PRKCB: variants seen among roughly 807,000 people sequenced by gnomAD.
PRKCB encodes the protein protein kinase C beta type.
Under a neutral mutation model 81.5 loss-of-function variants are expected in PRKCB, and 13 were observed. The ratio of observed to expected loss-of-function variants is 0.16; its 90% CI spans 0.10 to 0.25. PRKCB has a LOEUF of 0.25. PRKCB is among the 10% of genes least tolerant of loss of function. PRKCB has a pLI of 1.00. For synonymous variants in PRKCB, 335 were observed against 321.4 expected, an observed-to-expected ratio of 1.04 and a Z score of -0.45; for missense variants, 509 against 875.7, an observed-to-expected ratio of 0.58 and a Z score of 5.29.
At chr16:23,949,130 C>T (rs530639535) in intron 2 of PRKCB, among the ~76,000 whole-genome samples, 2 of 152,356 alleles carry the variant, frequency 1.3e-5, no homozygotes, top group East Asian at 1.9e-4. Flanking sequence ...AGAATGTTTA[C>T]ACTCTTCCGG....
At chr16:24,023,090 A>G (rs1965427513) in intron 3 of PRKCB, among the ~76,000 whole-genome samples, 2 of 151,758 alleles carry the variant, frequency 1.3e-5, no homozygotes. Flanking sequence ...TTTTTGAGTC[A>G]GAGTTTCTCT....
chr16:23,950,140 T>TG (rs1964259230), intron 2 of PRKCB, among the ~76,000 whole-genome samples: 4 of 143,416 alleles, frequency 2.8e-5, no homozygotes, highest in Admixed American at 6.9e-5. Flanking sequence ...GAATTTTTTT[T>TG]TTTTTTTTTT....
At chr16:23,854,689 C>T (rs912824814) in intron 2 of PRKCB, among the ~76,000 whole-genome samples, 1 of 152,104 alleles carries the variant, frequency 6.6e-6, no homozygotes, top group African/African-American at 2.4e-5. Context: ...AATCACAAGC[C>T]CACCCCAGAA....
intron 2 of PRKCB, among the ~76,000 whole-genome samples, chr16:23,926,794 A>G (rs1472740803): frequency 2.6e-5 from 4 of 152,008 alleles, no homozygotes; most frequent in Non-Finnish European, 4.4e-5. Flanking sequence ...CATCTTTTAT[A>G]TAATAATTTC....
intron 2 of PRKCB, among the ~76,000 whole-genome samples, chr16:23,865,241 ATCAAGATTTATTT>A (rs1323036087): frequency 6.7e-6 from 1 of 149,262 alleles, no homozygotes; most frequent in Non-Finnish European, 1.5e-5. Flanking sequence ...AGAAATAGAA[ATCAAGATTTATTT>A]TCTGTTTTGT....
chr16:24,113,329 T>G (rs751324089), intron 8 of PRKCB, among the ~76,000 whole-genome samples: 3 of 133,256 alleles, frequency 2.3e-5, no homozygotes, highest in Non-Finnish European at 4.5e-5. Context: ...TTGCTTTCTT[T>G]CTTGCTTGCT....
chr16:24,212,536 G>A lies in PRKCB; in HGVS notation c.1864-2122G>A, dbSNP rs904395315. Among the ~76,000 whole-genome samples, 4 of 141,394 alleles carry A rather than the reference G, an allele frequency of 2.8e-5. No individual in the cohort carries two copies. In the East Asian group the frequency reaches 8.3e-4, roughly 29 times the overall value. 92.8% of individuals were successfully genotyped at this position (141,394 alleles called of 152,430 possible). A position where few individuals can be genotyped will look rare whatever the true frequency, so the allele number is the denominator to read the frequency against. On this transcript the variant is annotated intron_variant, in intron 16 of 16. Coordinates refer to ENST00000643927, the MANE Select transcript of PRKCB (RefSeq NM_002738.7). ...TCACTGCCCAGGCTGGAGTGCAGTG[G>A]TACAATCCCTGCTCACTGCAACCTC...
At position 24,188,334 on chromosome 16, in the gene PRKCB, G is replaced by A. The variant is rs189713897; in HGVS notation, c.1723-2756G>A. Reference sequence around the variant, plus strand: ...TTCCTCTGGAACAGCGAGCCCCAGGGGATACGTCTGGGAGGTGATCAGAGA... The same window carrying A: ...TTCCTCTGGAACAGCGAGCCCCAGGAGATACGTCTGGGAGGTGATCAGAGA... On this transcript the variant is annotated intron_variant, in intron 15 of 16. Coordinates refer to ENST00000643927, the MANE Select transcript of PRKCB (RefSeq NM_002738.7). 5.9e-5 allele frequency among the ~76,000 whole-genome samples: 9 copies of A among 152,308 alleles called. No individual in the cohort carries two copies. The East Asian group carries it at 1.7e-3, about 29-fold the overall frequency.
chr16:23,930,786 G>A (rs985216375), intron 2 of PRKCB, among the ~76,000 whole-genome samples: 4 of 152,082 alleles, frequency 2.6e-5, no homozygotes, highest in African/African-American at 7.2e-5. Flanking sequence ...TGCAATACAC[G>A]ACACATAGAT....
At chr16:23,995,155 T>C (rs1403742374) in intron 3 of PRKCB, among the ~76,000 whole-genome samples, 2 of 152,200 alleles carry the variant, frequency 1.3e-5, no homozygotes, top group Non-Finnish European at 2.9e-5. Context: ...TGGACCCTTC[T>C]ACATCCGAGA....
chr16:24,187,700 T>TTTTGA (rs1277769469), intron 15 of PRKCB, among the ~76,000 whole-genome samples: 3 of 69,910 alleles, frequency 4.3e-5, no homozygotes, highest in African/African-American at 2.1e-4. Context: ...TTTTGTTTTA[T>TTTTGA]CAATGTCTCG....
chr16:23,940,771 A>G (rs769108043), intron 2 of PRKCB, among the ~76,000 whole-genome samples: 21 of 152,162 alleles, frequency 1.4e-4, no homozygotes, highest in African/African-American at 4.8e-4. Flanking sequence ...GAGATGTGCT[A>G]TTACAATGGT....
At chr16:24,165,883 C>CTTTTTT (rs71154285) in intron 10 of PRKCB, among the ~76,000 whole-genome samples, 40 of 93,986 alleles carry the variant, frequency 4.3e-4, no homozygotes, top group Non-Finnish European at 5.6e-4. Flanking sequence ...TTCTTTCTTT[C>CTTTTTT]TTTTTTTTTT....
chr16:23,990,652 A>AC (rs559404313), intron 3 of PRKCB, among the ~76,000 whole-genome samples: 69 of 150,784 alleles, frequency 4.6e-4, no homozygotes, highest in African/African-American at 1.6e-3. Context: ...GGCTCTAGCA[A>AC]CCCCCCCACC....
intron 9 of PRKCB, among the ~76,000 whole-genome samples, chr16:24,137,213 G>A (rs780087996): frequency 6.6e-6 from 1 of 151,794 alleles, no homozygotes; most frequent in Non-Finnish European, 1.5e-5. Flanking sequence ...TTTAGAGACA[G>A]CATCTGGCTT....
Position 24,217,757 on chromosome 16 carries a change from C to T in PRKCB, c.*2941C>T. The stretch of plus-strand genomic sequence containing the variant: ...GAAAGCGAAATAGGGTTGATGAGAC[C>T]AGGGGAGACCTAAAAAAAAGGCAGC... On this transcript the variant is annotated 3_prime_UTR_variant, in exon 17 of 17. Coordinates refer to ENST00000643927, the MANE Select transcript of PRKCB (RefSeq NM_002738.7). The T allele has an allele frequency of 1.0e-6, 1 of 985,354 alleles. No homozygotes were observed. Among genetic ancestry groups the T allele is most frequent in the Non-Finnish European group, 1.2e-6 (1 of 829,942 alleles). 61.0% of individuals were successfully genotyped at this position (985,354 alleles called of 1,614,324 possible). A position where few individuals can be genotyped will look rare whatever the true frequency, so the allele number is the denominator to read the frequency against.
intron 2 of PRKCB, among the ~76,000 whole-genome samples, chr16:23,849,520 AT>A (rs994243329): frequency 1.4e-4 from 22 of 151,922 alleles, no homozygotes; most frequent in Non-Finnish European, 2.6e-4. Flanking sequence ...GTATGTGTGG[AT>A]TTTTTTTGGT....
chr16:24,083,749 G>T (rs912432266), intron 5 of PRKCB, among the ~76,000 whole-genome samples: 12 of 152,164 alleles, frequency 7.9e-5, no homozygotes, highest in Non-Finnish European at 1.5e-4. Flanking sequence ...TCTGTATTCT[G>T]ATTGTGTGAT....
In PRKCB at chr16:23,950,132, A is replaced by AGTTTTTTTTTTTT. The variant is rs55986931; in HGVS notation, c.206-38376_206-38375insGTTTTTTTTTTTT. ...AGCAGCATTGGCCCCTATGATTTGAATTTTTTTTTTTTTTTTTTTTTTTTT... is the reference window on the plus strand; with the variant it reads ...AGCAGCATTGGCCCCTATGATTTGAAGTTTTTTTTTTTTTTTTTTTTTTTTTTTTTTTTTTTTT... On this transcript the variant is annotated intron_variant, in intron 2 of 16. Transcript: ENST00000643927. 4.3e-4 allele frequency among the ~76,000 whole-genome samples: 42 copies of AGTTTTTTTTTTTT among 97,774 alleles called. 9 individuals carry two copies. Among genetic ancestry groups the AGTTTTTTTTTTTT allele is most frequent in the East Asian group, 6.3e-4 (2 of 3,178 alleles). The allele number at this position is 97,774 out of a possible 152,430, so 64.1% of individuals were successfully genotyped here.
Sources: allele counts gnomAD v4.1 joint callset (sites outside exome capture counted in the v4.1 genomes callset), GRCh38; gene constraint gnomAD v4.1.1; transcripts MANE v1.5; gene names NCBI Gene and HGNC (gene_info 2026-07-23, HGNC 2026-07-21).